CDYL2: variants seen among roughly 807,000 people sequenced by gnomAD.
CDYL2 encodes the protein chromodomain Y-like protein 2.
In CDYL2, 23 loss-of-function variants were observed where a neutral mutation model predicts 49.4. That is an observed-to-expected ratio of 0.47 (90% confidence interval 0.34 to 0.66). The LOEUF is 0.66. Among genes scored for constraint, CDYL2 ranks in the 30% least tolerant of loss-of-function variants. The pLI is 0.01. For synonymous variants in CDYL2, 360 were observed against 268.8 expected (o/e 1.34, Z -3.32); for missense variants, 678 against 656.4 (o/e 1.03, Z -0.36).
chr16:80,700,647 A>G (rs576191873), intron 1 of CDYL2, among the ~76,000 whole-genome samples: 9 of 152,252 alleles, frequency 5.9e-5, no homozygotes, highest in Non-Finnish European at 1.3e-4. Context: ...CTAATACCCT[A>G]TGTTGGCAAG....
At chr16:80,760,646 G>GA (rs1906495680) in intron 1 of CDYL2, among the ~76,000 whole-genome samples, 1 of 151,888 alleles carries the variant, frequency 6.6e-6, no homozygotes, top group East Asian at 1.9e-4. Flanking sequence ...AATTTAAAAA[G>GA]AAAAACAGTG....
chr16:80,633,634 G>A (rs74028362), intron 2 of CDYL2, among the ~76,000 whole-genome samples: 8,943 of 152,130 alleles, frequency 0.059, 800 homozygotes, highest in African/African-American at 0.2. Context: ...TAACCAACCC[G>A]TATTATGTGC....
Position 80,604,290 on chromosome 16 carries a change from G to A in CDYL2, c.*98C>T. 1 of 1,336,348 alleles carries A rather than the reference G, an allele frequency of 7.5e-7. No homozygotes were observed. 82.8% of individuals were successfully genotyped at this position (1,336,348 alleles called of 1,614,324 possible). A position where few individuals can be genotyped will look rare whatever the true frequency, so the allele number is the denominator to read the frequency against. ...ATGGACACAACCCTACGTATAAAGAGACACCTTGACAAACTCCTTGGCCGG... is the reference window on the plus strand; with the variant it reads ...ATGGACACAACCCTACGTATAAAGAAACACCTTGACAAACTCCTTGGCCGG... On this transcript the variant is annotated 3_prime_UTR_variant, in exon 7 of 7. Coordinates refer to ENST00000570137, the MANE Select transcript of CDYL2 (RefSeq NM_152342.4).
chr16:80,782,968 G>A (rs1260450879), intron 1 of CDYL2, among the ~76,000 whole-genome samples: 1 of 152,032 alleles, frequency 6.6e-6, no homozygotes, highest in East Asian at 1.9e-4. Context: ...CTCCACTTCT[G>A]TTTAACACAG....
chr16:80,655,413 G>A (rs1000191733), intron 2 of CDYL2, among the ~76,000 whole-genome samples: 6 of 152,160 alleles, frequency 3.9e-5, no homozygotes, highest in African/African-American at 1.2e-4. Context: ...AGCTTGCTTT[G>A]GGTTGGGGAG....
intron 2 of CDYL2, among the ~76,000 whole-genome samples, chr16:80,648,740 G>A (rs1167065227): frequency 1.3e-5 from 2 of 150,482 alleles, no homozygotes; most frequent in Non-Finnish European, 3.0e-5. Flanking sequence ...GAGCACTGAT[G>A]CAAAAATCCT....
intron 1 of CDYL2, among the ~76,000 whole-genome samples, chr16:80,699,894 G>C (rs977601960): frequency 4.7e-5 from 7 of 149,522 alleles, no homozygotes; most frequent in African/African-American, 1.2e-4. Context: ...TTGAGACGGA[G>C]TCTCGCTCTG....
intron 1 of CDYL2, among the ~76,000 whole-genome samples, chr16:80,793,545 AT>A (rs1212893841): frequency 6.6e-6 from 1 of 152,186 alleles, no homozygotes; most frequent in African/African-American, 2.4e-5. Flanking sequence ...GGTTTCAAAC[AT>A]TTTCAACCAT....
At chr16:80,724,461 G>A (rs188189993) in intron 1 of CDYL2, among the ~76,000 whole-genome samples, 241 of 152,208 alleles carry the variant, frequency 1.6e-3, no homozygotes, top group African/African-American at 5.5e-3. Flanking sequence ...AAACTCTGGA[G>A]CTCTTCTACT....
At chr16:80,609,552 A>G (rs951905950) in intron 5 of CDYL2, among the ~76,000 whole-genome samples, 8 of 152,320 alleles carry the variant, frequency 5.3e-5, no homozygotes, top group African/African-American at 1.9e-4. Context: ...AGGACTTGAT[A>G]CTTTCTGAAG....
intron 1 of CDYL2, among the ~76,000 whole-genome samples, chr16:80,740,918 A>C (rs1252233627): frequency 2.0e-5 from 3 of 151,820 alleles, no homozygotes; most frequent in Admixed American, 2.0e-4. Flanking sequence ...TACTATAAAC[A>C]TGTTAATTTT....
At chr16:80,780,535 G>A (rs1907229727) in intron 1 of CDYL2, among the ~76,000 whole-genome samples, 1 of 150,368 alleles carries the variant, frequency 6.7e-6, no homozygotes, top group Non-Finnish European at 1.5e-5. Context: ...CTCCCAAGTA[G>A]CTGGGATTAC....
intron 3 of CDYL2, among the ~76,000 whole-genome samples, chr16:80,621,826 C>T (rs1907097284): frequency 6.6e-6 from 1 of 152,120 alleles, no homozygotes; most frequent in African/African-American, 2.4e-5. Context: ...TCTCTATGAC[C>T]TTGTCTTAGG....
At chr16:80,709,912 T>G (rs1904536223) in intron 1 of CDYL2, among the ~76,000 whole-genome samples, 1 of 151,556 alleles carries the variant, frequency 6.6e-6, no homozygotes, top group Admixed American at 6.6e-5. Flanking sequence ...AATTACATGA[T>G]TATGGACAGC....
intron 5 of CDYL2, among the ~76,000 whole-genome samples, chr16:80,611,662 C>G (rs571924562): frequency 6.6e-6 from 1 of 152,362 alleles, no homozygotes; most frequent in South Asian, 2.1e-4. Flanking sequence ...ACAACTGGCA[C>G]TACCACTGCA....
intron 1 of CDYL2, among the ~76,000 whole-genome samples, chr16:80,720,934 G>T (rs990878119): frequency 6.6e-6 from 1 of 152,152 alleles, no homozygotes; most frequent in Non-Finnish European, 1.5e-5. Flanking sequence ...TAAGGGAATA[G>T]ACTAAAATAA....
chr16:80,647,691 C>T (rs543617806), intron 2 of CDYL2, among the ~76,000 whole-genome samples: 1 of 152,208 alleles, frequency 6.6e-6, no homozygotes, highest in South Asian at 2.1e-4. Flanking sequence ...GCCAAATGGA[C>T]TTAATATTTA....
At chr16:80,636,920 G>A (rs539352499) in intron 2 of CDYL2, among the ~76,000 whole-genome samples, 1 of 152,138 alleles carries the variant, frequency 6.6e-6, no homozygotes, top group Non-Finnish European at 1.5e-5. Flanking sequence ...GGATGAAGCT[G>A]GAAACCATCA....
At chr16:80,763,647 C>G (rs908366791) in intron 1 of CDYL2, among the ~76,000 whole-genome samples, 3 of 151,988 alleles carry the variant, frequency 2.0e-5, no homozygotes, top group Non-Finnish European at 4.4e-5. Context: ...CACTTCTCAT[C>G]AGAAAGGGTA....
Sources: allele counts gnomAD v4.1 joint callset (sites outside exome capture counted in the v4.1 genomes callset), GRCh38; gene constraint gnomAD v4.1.1; transcripts MANE v1.5; gene names NCBI Gene and HGNC (gene_info 2026-07-23, HGNC 2026-07-21).